The following FHIT variants were observed in gnomAD, a reference collection of about 807,000 sequenced individuals.
The protein encoded by FHIT is fragile histidine triad diadenosine triphosphatase, also known as bis(5'-adenosyl)-triphosphatase.
Under a neutral mutation model 17.9 loss-of-function variants are expected in FHIT, and 19 were observed. That is an observed-to-expected ratio of 1.06 (90% CI 0.74 to 1.56). FHIT has a LOEUF of 1.56. FHIT is among the 40% of genes most tolerant of loss of function. The probability of loss-of-function intolerance (pLI) is 0.00; values close to 1 mark genes in which losing one functional copy is unlikely to be tolerated. For missense variants in FHIT, 248 were observed against 189.2 expected, an observed-to-expected ratio of 1.31 and a Z score of -1.82; for synonymous variants, 81 against 69.7, an observed-to-expected ratio of 1.16 and a Z score of -0.81.
chr3:60,795,508 GTT>G (rs201826426), intron 4 of FHIT, among the ~76,000 whole-genome samples: 3 of 142,986 alleles, frequency 2.1e-5, no homozygotes, highest in Admixed American at 6.9e-5. Flanking sequence ...TTTGTTTTTT[GTT>G]TTTTTTTTTT....
chr3:60,014,137 G>T lies in FHIT; in HGVS notation c.119C>A (p.Pro40Gln). ...PVVPGHVLVCPLRPVERFHDL... is the reference protein window; with the variant it reads ...PVVPGHVLVCQLRPVERFHDL... ...ATGGAAGCGCTCCACTGGCCGCAGC[G>T]GGCACACAAGGACATCTGTAGCAAG... Residue 40 changes from proline to glutamine, a missense_variant, in exon 6 of 10, where the codon CCG (proline) becomes CAG (glutamine). Physicochemically the swap from Pro to Gln is moderately conservative, Grantham distance 76. Coordinates refer to ENST00000492590, the MANE Select transcript of FHIT (RefSeq NM_002012.4). 6.2e-7 allele frequency: 1 copy of T among 1,614,006 alleles called. No homozygotes were observed. Among genetic ancestry groups the T allele is most frequent in the Non-Finnish European group, 8.5e-7 (1 of 1,179,954 alleles).
At position 59,992,131 on chromosome 3, in the gene FHIT, A is replaced by G. The variant is rs531553276; in HGVS notation, c.279+19240T>C. On this transcript the variant is annotated intron_variant, in intron 7 of 9. Transcript: ENST00000492590. ...ACTAAACAGTATTGGATAAGAATATAGAACATGAAGCCCAGAGCCCAAGAC... is the reference window on the plus strand; with the variant it reads ...ACTAAACAGTATTGGATAAGAATATGGAACATGAAGCCCAGAGCCCAAGAC... Among the ~76,000 whole-genome samples, 4 of 152,166 alleles carry G rather than the reference A, an allele frequency of 2.6e-5. No individual in the cohort carries two copies. The East Asian group carries it at 7.8e-4, about 30-fold the overall frequency.
chr3:61,210,428 C>T (rs947507363), intron 1 of FHIT, among the ~76,000 whole-genome samples: 2 of 152,348 alleles, frequency 1.3e-5, no homozygotes, highest in South Asian at 4.1e-4. Context: ...GGCAGACAGG[C>T]CTCCTTGAGC....
chr3:60,077,534 A>G (rs971570088), intron 5 of FHIT: 3 of 151,984 alleles, frequency 2.0e-5, no homozygotes, highest in Admixed American at 1.3e-4. Flanking sequence ...TGGCTAAAAA[A>G]AAACAAAGAA....
At chr3:60,247,723 T>G (rs1705473933) in intron 5 of FHIT, among the ~76,000 whole-genome samples, 1 of 152,142 alleles carries the variant, frequency 6.6e-6, no homozygotes, top group African/African-American at 2.4e-5. Flanking sequence ...GCTTGCCACT[T>G]GCTTGATTTT....
chr3:61,124,043 G>A (rs1011781088), intron 2 of FHIT, among the ~76,000 whole-genome samples: 2 of 152,102 alleles, frequency 1.3e-5, no homozygotes, highest in Non-Finnish European at 2.9e-5. Flanking sequence ...AGTTATGAAG[G>A]CAGGGGATAG....
chr3:59,934,246 G>A (rs1416663461), intron 7 of FHIT, among the ~76,000 whole-genome samples: 3 of 152,116 alleles, frequency 2.0e-5, no homozygotes, highest in Admixed American at 1.3e-4. Context: ...ATTTATAGAT[G>A]AAGAAACTAA....
At chr3:60,421,077 A>G in intron 5 of FHIT, among the ~76,000 whole-genome samples, 1 of 149,668 alleles carries the variant, frequency 6.7e-6, no homozygotes, top group East Asian at 2.0e-4. Context: ...TTGGCCGAAG[A>G]CAGTTTTGAT....
chr3:60,813,822 C>G (rs1020349482), intron 4 of FHIT, among the ~76,000 whole-genome samples: 1 of 152,098 alleles, frequency 6.6e-6, no homozygotes, highest in Non-Finnish European at 1.5e-5. Flanking sequence ...AATTTAATGA[C>G]TCCTTTATTA....
At chr3:60,081,375 TGTCACC>T (rs1449156194) in intron 5 of FHIT, among the ~76,000 whole-genome samples, 1 of 152,074 alleles carries the variant, frequency 6.6e-6, no homozygotes, top group Non-Finnish European at 1.5e-5. Context: ...TTCAAAGCCT[TGTCACC>T]ACAACCCCAT....
At chr3:60,481,704 C>T (rs919399625) in intron 5 of FHIT, among the ~76,000 whole-genome samples, 1 of 152,132 alleles carries the variant, frequency 6.6e-6, no homozygotes, top group African/African-American at 2.4e-5. Flanking sequence ...GAAACAAGTA[C>T]CAGCTGCTGC....
intron 8 of FHIT, among the ~76,000 whole-genome samples, chr3:59,873,688 C>A (rs1703023109): frequency 6.6e-6 from 1 of 152,166 alleles, no homozygotes. Flanking sequence ...GGGACAAGCA[C>A]ACATGCCTCC....
At chr3:61,091,017 G>A (rs2035464767) in intron 2 of FHIT, among the ~76,000 whole-genome samples, 1 of 152,144 alleles carries the variant, frequency 6.6e-6, no homozygotes, top group Non-Finnish European at 1.5e-5. Flanking sequence ...ATTATCTTCT[G>A]TGGTTTAAAA....
At chr3:60,465,747 A>T (rs1375136516) in intron 5 of FHIT, among the ~76,000 whole-genome samples, 6 of 151,998 alleles carry the variant, frequency 3.9e-5, no homozygotes, top group Non-Finnish European at 5.9e-5. Context: ...CCATTGGTCT[A>T]TGTGTCTGTT....
chr3:60,340,182 C>G lies in FHIT; in HGVS notation c.103+196678G>C, dbSNP rs188386981. Among the ~76,000 whole-genome samples, 145 of 152,176 alleles carry G rather than the reference C, an allele frequency of 9.5e-4. 1 individual carries two copies. The highest frequency in any genetic ancestry group is 3.4e-3 in the African/African-American group (140 of 41,520). ...ATATGATTGCTGTATTTTAATGCAG[C>G]AGCCTTAAGTAATTGAAAATCATTA... is the stretch of plus-strand genomic sequence containing the variant. On this transcript the variant is annotated intron_variant, in intron 5 of 9. Transcript: ENST00000492590.
At chr3:60,206,016 C>A (rs1386041570) in intron 5 of FHIT, among the ~76,000 whole-genome samples, 30 of 149,224 alleles carry the variant, frequency 2.0e-4, no homozygotes, top group African/African-American at 6.9e-4. Context: ...ACCTATAGTC[C>A]CAGCTACTGG....
chr3:60,747,857 G>T (rs2042390213), intron 4 of FHIT, among the ~76,000 whole-genome samples: 1 of 152,206 alleles, frequency 6.6e-6, no homozygotes, highest in Non-Finnish European at 1.5e-5. Context: ...GGATTTGAAT[G>T]ATGAATCTAA....
chr3:60,039,995 A>G (rs1701370477), intron 5 of FHIT, among the ~76,000 whole-genome samples: 2 of 152,224 alleles, frequency 1.3e-5, no homozygotes, highest in Non-Finnish European at 1.5e-5. Context: ...CAGGTATGAT[A>G]TGGTATGGAA....
rs1056295996 is a variant in FHIT at position 60,083,532 on chromosome 3, C to T, written c.104-69380G>A. Among the ~76,000 whole-genome samples the T allele has an allele frequency of 7.2e-5, 11 of 151,930 alleles. No individual in the cohort carries two copies. In the East Asian group the frequency reaches 2.1e-3, roughly 29 times the overall value. Reference sequence around the variant, plus strand: ...AATACCACTGAAAACCTGTATATTGCTTTGGGCAACATTGCCATATTAATG... The same window carrying T: ...AATACCACTGAAAACCTGTATATTGTTTTGGGCAACATTGCCATATTAATG... On this transcript the variant is annotated intron_variant, in intron 5 of 9. Transcript: ENST00000492590.
Sources: allele counts gnomAD v4.1 joint callset (sites outside exome capture counted in the v4.1 genomes callset), GRCh38; gene constraint gnomAD v4.1.1; transcripts MANE v1.5; gene names NCBI Gene and HGNC (gene_info 2026-07-23, HGNC 2026-07-21).